The following CDH5 variants were observed in gnomAD, a reference collection of about 807,000 sequenced individuals.
CDH5 encodes the protein cadherin-5.
In CDH5, 28 loss-of-function variants were observed where a neutral mutation model predicts 62.0. The observed-to-expected ratio is 0.45, with a 90% CI of 0.33 to 0.62. The LOEUF (loss-of-function observed/expected upper bound fraction) is 0.62, where lower values mean the gene tolerates loss of function less well. Among genes scored for constraint, CDH5 ranks in the 20% least tolerant of loss-of-function variants. The pLI is 0.02. For missense variants in CDH5, 940 were observed against 1,065.1 expected, an observed-to-expected ratio of 0.88 and a Z score of 1.63; for synonymous variants, 464 against 445.8, an observed-to-expected ratio of 1.04 and a Z score of -0.52.
At chr16:66,379,165 C>G in intron 1 of CDH5, 154 bp from the exon 2 acceptor site, 1 of 642,210 alleles carries the variant, frequency 1.6e-6, no homozygotes, top group Non-Finnish European at 2.7e-6. Flanking sequence ...TGACTGCTCC[C>G]TGAAAGGGGG....
chr16:66,394,421 C>T (rs1308536120), intron 7 of CDH5, among the ~76,000 whole-genome samples: 1 of 152,126 alleles, frequency 6.6e-6, no homozygotes, highest in Non-Finnish European at 1.5e-5. Flanking sequence ...AACTGAAATG[C>T]TTTGTGTTTA....
At chr16:66,379,279 G>T in intron 1 of CDH5, 40 bp from the exon 2 acceptor site, 3 of 1,457,732 alleles carry the variant, frequency 2.1e-6, no homozygotes, top group Non-Finnish European at 2.8e-6. Context: ...TCCTTTCATC[G>T]TCACTGGCCA....
rs1301427740 is a variant in CDH5 at position 66,366,705 on chromosome 16, C to G, written c.-73C>G. 6.6e-6 allele frequency: 1 copy of G among 152,372 alleles called. No homozygotes were observed. Among genetic ancestry groups the G allele is most frequent in the Non-Finnish European group, 1.5e-5 (1 of 68,168 alleles). The allele number at this position is 152,372 out of a possible 1,614,324, so 9.4% of individuals were successfully genotyped here. ...CACAGAGCTCCACTCACGCTCAGCC[C>G]TGGACGGACAGGCAGTCCAACGGAA... On this transcript the variant is annotated 5_prime_UTR_variant, in exon 1 of 12. Coordinates refer to ENST00000341529, the MANE Select transcript of CDH5 (RefSeq NM_001795.5).
Position 66,400,887 on chromosome 16 carries a change from A to T in CDH5, c.1708A>T (p.Thr570Ser), listed in dbSNP as rs769132982. 3 of 1,614,080 alleles carry T rather than the reference A, an allele frequency of 1.9e-6. No homozygotes were observed. The highest frequency in any genetic ancestry group is 3.3e-5 in the Admixed American group (2 of 60,010). The change falls in exon 11 of 12, where the codon ACG (threonine) becomes TCG (serine). Residue 570 changes from threonine (T) to serine (S), a missense_variant. Coordinates refer to ENST00000341529, the MANE Select transcript of CDH5 (RefSeq NM_001795.5). Reference sequence around the variant, plus strand: ...GATGCCAAGTCGCACGGGCACCAGCACGCTGACCGTGGCCGTGTGCAAGTG... The same window carrying T: ...GATGCCAAGTCGCACGGGCACCAGCTCGCTGACCGTGGCCGTGTGCAAGTG... ...NGMPSRTGTS[T>S]LTVAVCKCNE...
chr16:66,395,016 A>ATTTTT (rs1567467147), intron 7 of CDH5, among the ~76,000 whole-genome samples: 1 of 19,948 alleles, frequency 5.0e-5, no homozygotes, highest in Non-Finnish European at 1.0e-4. Flanking sequence ...CACCAGGCTA[A>ATTTTT]TCTTTTTTTT....
chr16:66,396,868 C>T (rs1567467828), intron 8 of CDH5, among the ~76,000 whole-genome samples: 1 of 152,164 alleles, frequency 6.6e-6, no homozygotes, highest in African/African-American at 2.4e-5. Flanking sequence ...TGGCGCCTGC[C>T]GGGCCCACCC....
chr16:66,392,007 A>C (rs1430843720), intron 6 of CDH5, 129 bp from the exon 7 acceptor site: 3 of 1,104,674 alleles, frequency 2.7e-6, no homozygotes, highest in South Asian at 1.4e-5. Flanking sequence ...TCACTTGTCG[A>C]GGCCATGGGC....
chr16:66,387,113 A>T lies in CDH5; in HGVS notation c.499+16A>T, dbSNP rs368835124. 4.7e-5 allele frequency: 75 copies of T among 1,600,228 alleles called. No individual in the cohort carries two copies. In the African/African-American group the frequency reaches 8.8e-4, roughly 19 times the overall value. ...TCGGCTGTGGGTACGTTGCATGCCC[A>T]CTCTGTCCTCCTCCCTCCCTCATCC... On this transcript the variant is annotated intron_variant, in intron 3 of 11. Coordinates refer to ENST00000341529, the MANE Select transcript of CDH5 (RefSeq NM_001795.5).
intron 8 of CDH5, among the ~76,000 whole-genome samples, chr16:66,397,032 A>C (rs1961196980): frequency 6.6e-6 from 1 of 152,264 alleles, no homozygotes; most frequent in Non-Finnish European, 1.5e-5. Flanking sequence ...ACAGAAAATG[A>C]GAAGAAAATA....
chr16:66,396,375 C>A (rs918182230), intron 8 of CDH5, among the ~76,000 whole-genome samples, 174 bp downstream of exon 8: 2 of 152,220 alleles, frequency 1.3e-5, no homozygotes, highest in Non-Finnish European at 2.9e-5. Flanking sequence ...TTGAACCCAG[C>A]AGTATCAACA....
intron 10 of CDH5, among the ~76,000 whole-genome samples, chr16:66,399,708 A>C (rs1386699901): frequency 2.6e-5 from 4 of 152,208 alleles, no homozygotes; most frequent in African/African-American, 9.7e-5. Flanking sequence ...TACAGTAGAA[A>C]GATTCAGTGC....
intron 1 of CDH5, among the ~76,000 whole-genome samples, chr16:66,369,990 T>C (rs988585367): frequency 2.0e-5 from 3 of 151,888 alleles, no homozygotes; most frequent in Non-Finnish European, 4.4e-5. Flanking sequence ...TTTTGTTTGT[T>C]TGTTTGTTTG....
intron 4 of CDH5, 74 bp from the exon 5 acceptor site, chr16:66,389,284 T>C (rs1596939229): frequency 2.7e-6 from 4 of 1,470,342 alleles, no homozygotes; most frequent in South Asian, 2.6e-5. Context: ...AGTCAGGTTC[T>C]CTCTGGGCAG....
At chr16:66,372,808 A>G (rs1960716277) in intron 1 of CDH5, among the ~76,000 whole-genome samples, 1 of 151,988 alleles carries the variant, frequency 6.6e-6, no homozygotes, top group East Asian at 1.9e-4. Context: ...ACGCCCACTC[A>G]CCAGGGGATT....
At chr16:66,400,189 G>A (rs757503959) in intron 10 of CDH5, among the ~76,000 whole-genome samples, 33 of 152,200 alleles carry the variant, frequency 2.2e-4, no homozygotes, top group Non-Finnish European at 4.4e-4. Flanking sequence ...GGTGGGCGGG[G>A]CCAATATTTG....
At chr16:66,368,059 G>C (rs9944321) in intron 1 of CDH5, among the ~76,000 whole-genome samples, 379 of 152,264 alleles carry the variant, frequency 2.5e-3, no homozygotes, top group African/African-American at 8.8e-3. Flanking sequence ...AGGACATCGC[G>C]AGCACCTCTG....
chr16:66,399,446 G>T (rs1238994525), intron 10 of CDH5, among the ~76,000 whole-genome samples: 1 of 152,224 alleles, frequency 6.6e-6, no homozygotes, highest in Non-Finnish European at 1.5e-5. Flanking sequence ...TGGCTGTATT[G>T]CAGCAGCCCA....
intron 11 of CDH5, among the ~76,000 whole-genome samples, chr16:66,401,420 G>T (rs1373003376): frequency 6.6e-6 from 1 of 152,176 alleles, no homozygotes; most frequent in Non-Finnish European, 1.5e-5. Flanking sequence ...GTTCTAAAAT[G>T]GAAAGTTTAA....
intron 6 of CDH5, 90 bp from the exon 7 acceptor site, chr16:66,392,046 G>A: frequency 6.7e-7 from 1 of 1,503,236 alleles, no homozygotes; most frequent in Non-Finnish European, 9.1e-7. Flanking sequence ...GTGTCATCCT[G>A]GTACTACCTT....
Sources: allele counts gnomAD v4.1 joint callset (sites outside exome capture counted in the v4.1 genomes callset), GRCh38; gene constraint gnomAD v4.1.1; transcripts MANE v1.5; gene names NCBI Gene and HGNC (gene_info 2026-07-23, HGNC 2026-07-21).